The following ADAMTS6 variants were observed in gnomAD, a reference collection of about 807,000 sequenced individuals.
ADAMTS6 encodes the protein A disintegrin and metalloproteinase with thrombospondin motifs 6.
A neutral mutation model predicts 144.3 loss-of-function variants in ADAMTS6; 23 were observed. That is an observed-to-expected ratio of 0.16 (90% CI 0.11 to 0.23). ADAMTS6 has a LOEUF of 0.23. ADAMTS6 is among the 10% of genes least tolerant of loss of function. The probability of loss-of-function intolerance (pLI) is 1.00; values close to 1 mark genes in which losing one functional copy is unlikely to be tolerated. For missense variants in ADAMTS6, 999 were observed against 1,379.6 expected, an observed-to-expected ratio of 0.72 and a Z score of 4.37; for synonymous variants, 444 against 457.5, an observed-to-expected ratio of 0.97 and a Z score of 0.38.
chr5:65,374,650 G>A (rs1208913413), intron 7 of ADAMTS6, among the ~76,000 whole-genome samples: 3 of 152,164 alleles, frequency 2.0e-5, no homozygotes, highest in African/African-American at 4.8e-5. Context: ...CTCATGGGTA[G>A]GAAGAATCAA....
intron 14 of ADAMTS6, among the ~76,000 whole-genome samples, chr5:65,257,781 G>C (rs1281825372): frequency 6.6e-6 from 1 of 152,086 alleles, no homozygotes; most frequent in African/African-American, 2.4e-5. Flanking sequence ...GTGGGACAAA[G>C]TCCTTAAGTC....
At chr5:65,373,943 G>C (rs1207063785) in intron 7 of ADAMTS6, among the ~76,000 whole-genome samples, 4 of 152,174 alleles carry the variant, frequency 2.6e-5, no homozygotes, top group Non-Finnish European at 5.9e-5. Flanking sequence ...GGGATGCAAG[G>C]CTGGTTCAAT....
chr5:65,226,348 T>A, intron 15 of ADAMTS6, 129 bp from the exon 16 acceptor site: 1 of 938,068 alleles, frequency 1.1e-6, no homozygotes. Flanking sequence ...ATTGTGTAGG[T>A]TTCTTTCCCC....
In ADAMTS6 at chr5:65,188,122, T is replaced by A. The variant is rs1258612843; in HGVS notation, c.2804A>T (p.Glu935Val). The stretch of plus-strand genomic sequence containing the variant: ...ACAACCACTGTAGTCCAGCGTCTCC[T>A]CCTCAGAAGGTCCGATCTTCCTGAT... ...LCIRKIGPSEEETLDYSGCLT... is the reference protein window; with the variant it reads ...LCIRKIGPSEVETLDYSGCLT... Residue 935 changes from glutamate (E) to valine (V), a missense_variant, in exon 22 of 25, where the codon GAG becomes GTG. By Grantham distance (121) the Glu-to-Val change is moderately radical. This residue lies in a region of ADAMTS6 where 619 missense variants were observed against 837.0 expected (regional missense o/e 0.74). Transcript: ENST00000381055. 8 of 1,614,164 alleles carry A rather than the reference T, an allele frequency of 5.0e-6. No homozygotes were observed. In the South Asian group the frequency reaches 8.8e-5, roughly 18 times the overall value.
At chr5:65,310,591 T>G (rs1388407349) in intron 9 of ADAMTS6, among the ~76,000 whole-genome samples, 28 of 152,190 alleles carry the variant, frequency 1.8e-4, no homozygotes, top group Non-Finnish European at 3.7e-4. Flanking sequence ...TGAGAATGGC[T>G]CAAATAAGCC....
chr5:65,385,251 T>C (rs1047848358), intron 7 of ADAMTS6, among the ~76,000 whole-genome samples: 1 of 152,250 alleles, frequency 6.6e-6, no homozygotes, highest in Non-Finnish European at 1.5e-5. Context: ...TTATTGCCTA[T>C]CTTTCCCCTT....
intron 20 of ADAMTS6, among the ~76,000 whole-genome samples, chr5:65,197,358 G>A (rs993988252): frequency 4.6e-5 from 7 of 152,212 alleles, no homozygotes; most frequent in East Asian, 1.9e-4. Context: ...ATTTAGAAAC[G>A]TAACTATTTC....
rs750386500 is a variant in ADAMTS6 at position 65,452,900 on chromosome 5, T to G, written c.650A>C (p.Lys217Thr). The change falls in exon 5 of 25, where the codon AAA (lysine) becomes ACA (threonine). Residue 217 changes from lysine (K) to threonine (T), a missense_variant. By Grantham distance (78) the Lys-to-Thr change is moderately conservative. Around this residue, in one of 3 missense-constraint regions of ADAMTS6, gnomAD observed 252 missense variants for 293.7 expected, o/e 0.86. Transcript: ENST00000381055. ...GGATGTGTCATTCAGCCACCAAGGT[T>G]TGCCACTTCTTGTGAAATCTACAAT... The part of the protein sequence containing the change: ...CGVSDFTRSG[K>T]PWWLNDTSTV... 6.2e-7 allele frequency: 1 copy of G among 1,613,464 alleles called. No homozygotes were observed. The highest frequency in any genetic ancestry group is 8.5e-7 in the Non-Finnish European group (1 of 1,179,662).
At chr5:65,238,774 C>T (rs1758903133) in intron 15 of ADAMTS6, among the ~76,000 whole-genome samples, 1 of 152,050 alleles carries the variant, frequency 6.6e-6, no homozygotes, top group African/African-American at 2.4e-5. Flanking sequence ...AAAAACATAG[C>T]TGGGAGAAAT....
At chr5:65,267,395 G>A (rs867822316) in intron 12 of ADAMTS6, among the ~76,000 whole-genome samples, 2 of 152,032 alleles carry the variant, frequency 1.3e-5, no homozygotes, top group South Asian at 2.1e-4. Flanking sequence ...AAAGGTTAAA[G>A]AAGTGAAGCC....
intron 7 of ADAMTS6, among the ~76,000 whole-genome samples, chr5:65,365,056 T>A (rs1036149000): frequency 1.3e-5 from 2 of 152,152 alleles, no homozygotes; most frequent in Non-Finnish European, 2.9e-5. Context: ...ACTTAACTTG[T>A]ACTGAAACCA....
At chr5:65,333,759 A>C (rs967812827) in intron 8 of ADAMTS6, among the ~76,000 whole-genome samples, 1 of 151,664 alleles carries the variant, frequency 6.6e-6, no homozygotes, top group Admixed American at 6.6e-5. Flanking sequence ...TCTTTAATGA[A>C]TTTGAATCAT....
chr5:65,279,395 CA>C, intron 11 of ADAMTS6, among the ~76,000 whole-genome samples: 1 of 152,168 alleles, frequency 6.6e-6, no homozygotes, highest in East Asian at 1.9e-4. Flanking sequence ...AGGCTCACTG[CA>C]ACCTCCGCCT....
chr5:65,173,054 G>C, intron 22 of ADAMTS6, 46 bp from the exon 23 acceptor site: 2 of 1,567,614 alleles, frequency 1.3e-6, no homozygotes, highest in Non-Finnish European at 1.7e-6. Flanking sequence ...TTTAAAGACA[G>C]AGGAAAATTT....
chr5:65,232,888 C>A (rs752959476), intron 15 of ADAMTS6, among the ~76,000 whole-genome samples: 1 of 152,030 alleles, frequency 6.6e-6, no homozygotes, highest in Non-Finnish European at 1.5e-5. Context: ...GACAAAGATA[C>A]TAACAGAAAA....
At chr5:65,382,524 C>A (rs1752129837) in intron 7 of ADAMTS6, among the ~76,000 whole-genome samples, 1 of 152,194 alleles carries the variant, frequency 6.6e-6, no homozygotes, top group Admixed American at 6.5e-5. Context: ...TGTATCCTTG[C>A]ATAAAGCACT....
At chr5:65,285,803 C>G (rs1174576731) in intron 11 of ADAMTS6, among the ~76,000 whole-genome samples, 1 of 152,084 alleles carries the variant, frequency 6.6e-6, no homozygotes, top group Non-Finnish European at 1.5e-5. Flanking sequence ...TTTACATGAT[C>G]ACACTTAATA....
chr5:65,302,806 G>A (rs1743569886), intron 9 of ADAMTS6, among the ~76,000 whole-genome samples: 1 of 151,912 alleles, frequency 6.6e-6, no homozygotes, highest in Non-Finnish European at 1.5e-5. Flanking sequence ...CCTTTTAGTG[G>A]CAATTTTATA....
At chr5:65,332,314 G>T (rs11743180) in intron 8 of ADAMTS6, among the ~76,000 whole-genome samples, 13,336 of 84,672 alleles carry the variant, frequency 0.16, 564 homozygotes, top group Non-Finnish European at 0.18. Flanking sequence ...TATATATATA[G>T]AGAGAGAGAG....
Sources: gnomAD v4.1 joint callset for allele counts (sites outside exome capture counted in the v4.1 genomes callset) on GRCh38, gnomAD v4.1.1 for gene constraint, gnomAD v4.1.1 regional missense constraint, MANE v1.5 for transcripts, NCBI Gene and HGNC (gene_info 2026-07-23, HGNC 2026-07-21) for gene names.